GFM1: variants seen among roughly 807,000 people sequenced by gnomAD.
The protein encoded by GFM1 is elongation factor G, mitochondrial.
GFM1 carries 62 observed loss-of-function variants against 96.2 expected under a neutral mutation model. The ratio of observed to expected loss-of-function variants is 0.64; its 90% CI spans 0.53 to 0.80. The LOEUF is 0.80. Ranked by LOEUF, GFM1 falls within the 30% of genes least tolerant of loss-of-function variation. GFM1 has a pLI of 0.00. For synonymous variants in GFM1, 282 were observed against 312.9 expected (o/e 0.90, Z 1.04); for missense variants, 852 against 916.6 (o/e 0.93, Z 0.91).
Position 158,645,661 on chromosome 3 carries a change from A to G in GFM1, c.114A>G (p.Ser38=). Residue 38 remains serine, a synonymous_variant, in exon 2 of 18, where the codon TCA becomes TCG. Coordinates refer to ENST00000486715, the MANE Select transcript of GFM1 (RefSeq NM_024996.7). ...GGAAGGCCTGCCGATGGTCTTCATC[A>G]GGGGTGATTCCTAATGAAAAAATAC... ...VNWKACRWSS[S]GVIPNEKIRN... is the part of the protein sequence containing the mutation. 1 of 1,612,992 alleles carries G rather than the reference A, an allele frequency of 6.2e-7. No homozygotes were observed. The highest frequency in any genetic ancestry group is 8.5e-7 in the Non-Finnish European group (1 of 1,178,952).
chr3:158,660,754 CAGAG>C, intron 9 of GFM1, 116 bp from the exon 10 acceptor site: 1 of 807,012 alleles, frequency 1.2e-6, no homozygotes, highest in Non-Finnish European at 2.1e-6. Context: ...AGAATTCAAG[CAGAG>C]AGATTCTGCC....
chr3:158,673,975 CT>C (rs1724635883), intron 13 of GFM1, among the ~76,000 whole-genome samples: 1 of 151,760 alleles, frequency 6.6e-6, no homozygotes, highest in African/African-American at 2.4e-5. Flanking sequence ...TAAATACCAT[CT>C]GTCTGCTTGC....
rs1725646937 is a variant in GFM1 at position 158,684,278 on chromosome 3, A to G, written c.1765-246A>G. 4.6e-5 allele frequency among the ~76,000 whole-genome samples: 7 copies of G among 152,274 alleles called. No homozygotes were observed. The South Asian group carries it at 1.4e-3, about 32-fold the overall frequency. On this transcript the variant is annotated intron_variant, in intron 14 of 17. Transcript: ENST00000486715. ...AGGCTTAATACCTGAGAGATGAAAT[A>G]ATTTATACAACAAACCCCCATGACA...
intron 14 of GFM1, 97 bp from the exon 15 acceptor site, chr3:158,684,427 A>G: frequency 8.0e-7 from 1 of 1,250,304 alleles, no homozygotes; most frequent in Non-Finnish European, 1.2e-6. Context: ...GCACACATAA[A>G]AACGTACACT....
chr3:158,658,675 G>A (rs912839279), intron 8 of GFM1, among the ~76,000 whole-genome samples: 2 of 152,104 alleles, frequency 1.3e-5, no homozygotes, highest in Non-Finnish European at 2.9e-5. Context: ...TTGTTCTAAT[G>A]TAATAGCTTA....
intron 1 of GFM1, 183 bp downstream of exon 1, chr3:158,644,898 C>A (rs1055958465): frequency 9.6e-6 from 6 of 628,052 alleles, no homozygotes; most frequent in Admixed American, 7.5e-5. Flanking sequence ...TCGTTTGTTT[C>A]GCTCTCTGGT....
intron 4 of GFM1, among the ~76,000 whole-genome samples, chr3:158,648,417 A>G (rs1864503): frequency 0.58 from 87,569 of 151,596 alleles, 26,073 homozygotes; most frequent in African/African-American, 0.72. Flanking sequence ...GGTGGCTCAC[A>G]CCTGTAATCC....
In GFM1 at chr3:158,653,414, A is replaced by C. The variant is rs755560938; in HGVS notation, c.945A>C (p.Glu315Asp). ...GVQPLLDAVL[E>D]YLPNPSEVQN... ...AGCCTCTTTTAGATGCTGTTTTAGA[A>C]TACCTCCCAAATCCATCTGAAGTCC... The change falls in exon 7 of 18, where the codon GAA becomes GAC. Residue 315 changes from glutamate to aspartate, a missense_variant. Coordinates refer to ENST00000486715, the MANE Select transcript of GFM1 (RefSeq NM_024996.7). The C allele has an allele frequency of 6.2e-7, 1 of 1,613,346 alleles. No individual in the cohort carries two copies. The highest frequency in any genetic ancestry group is 8.5e-7 in the Non-Finnish European group (1 of 1,179,364).
intron 13 of GFM1, chr3:158,668,950 A>T (rs1314236353): frequency 6.8e-7 from 1 of 1,475,848 alleles, no homozygotes; most frequent in East Asian, 2.3e-5. Flanking sequence ...AATACTTTCG[A>T]TAAATATTAA....
At chr3:158,659,196 G>A (rs946352823) in intron 9 of GFM1, 137 bp downstream of exon 9, 1 of 999,450 alleles carries the variant, frequency 1.0e-6, no homozygotes, top group Admixed American at 2.2e-5. Flanking sequence ...TAAATGTGTT[G>A]TAGCTCTGAT....
chr3:158,646,802 C>A lies in GFM1; in HGVS notation c.427C>A (p.Leu143Ile), dbSNP rs764379992. ...CCTGAGAGTGTTGGATGGTGCAGTCCTTGTTCTCTGTGCTGTTGGAGGGGT... is the reference window on the plus strand; with the variant it reads ...CCTGAGAGTGTTGGATGGTGCAGTCATTGTTCTCTGTGCTGTTGGAGGGGT... The part of the protein sequence containing the change: ...RALRVLDGAV[L>I]VLCAVGGVQC... The change falls in exon 4 of 18, where the codon CTT becomes ATT. Residue 143 changes from leucine to isoleucine, a missense_variant. Coordinates refer to ENST00000486715, the MANE Select transcript of GFM1 (RefSeq NM_024996.7). The A allele has an allele frequency of 6.2e-7, 1 of 1,614,028 alleles. No individual in the cohort carries two copies. The highest frequency in any genetic ancestry group is 8.5e-7 in the Non-Finnish European group (1 of 1,180,026).
At chr3:158,684,488 C>T (rs1472887571) in intron 14 of GFM1, 36 bp from the exon 15 acceptor site, 6 of 1,611,970 alleles carry the variant, frequency 3.7e-6, no homozygotes, top group Non-Finnish European at 4.2e-6. Context: ...CAAGTAAAAT[C>T]CACTCACTCC....
At chr3:158,645,803 C>T (rs760509998) in intron 2 of GFM1, 22 bp downstream of exon 2, 17 of 1,587,552 alleles carry the variant, frequency 1.1e-5, no homozygotes, top group African/African-American at 2.7e-5. Flanking sequence ...CGGTTGATTC[C>T]GGATTAATTA....
intron 13 of GFM1, among the ~76,000 whole-genome samples, chr3:158,675,003 T>G (rs932312053): frequency 6.6e-6 from 1 of 152,078 alleles, no homozygotes; most frequent in Admixed American, 6.6e-5. Context: ...AGGAGCAAGT[T>G]TACGGCCGGG....
intron 12 of GFM1, 134 bp downstream of exon 12, chr3:158,665,608 G>A (rs950600402): frequency 2.7e-6 from 2 of 745,030 alleles, no homozygotes; most frequent in Non-Finnish European, 2.4e-6. Flanking sequence ...ATCCAGATGT[G>A]GTCTACTGCT....
At position 158,672,379 on chromosome 3, in the gene GFM1, C is replaced by T. The variant is rs1356828471; in HGVS notation, c.1601+5993C>T. ...ATGCTGGCTTGTTTGACCTTCTGCACCTCAAACACCCTGTGCGGGGTCCCC... is the reference window on the plus strand; with the variant it reads ...ATGCTGGCTTGTTTGACCTTCTGCATCTCAAACACCCTGTGCGGGGTCCCC... On this transcript the variant is annotated intron_variant, in intron 13 of 17. Transcript: ENST00000486715. 3.1e-6 allele frequency: 5 copies of T among 1,613,876 alleles called. No individual in the cohort carries two copies. Among genetic ancestry groups the T allele is most frequent in the Admixed American group, 1.7e-5 (1 of 59,996 alleles).
chr3:158,665,627 T>A (rs1347395371), intron 12 of GFM1, among the ~76,000 whole-genome samples, 153 bp downstream of exon 12: 1 of 152,224 alleles, frequency 6.6e-6, no homozygotes, highest in Non-Finnish European at 1.5e-5. Context: ...CTTCCTCTAC[T>A]ATGTGTTACA....
chr3:158,684,722 GC>G (rs1560144740), intron 15 of GFM1, 54 bp downstream of exon 15: 2 of 1,578,096 alleles, frequency 1.3e-6, no homozygotes, highest in Non-Finnish European at 1.7e-6. Flanking sequence ...GATCATCATA[GC>G]CTCAGAAGGC....
Position 158,670,456 on chromosome 3 carries a change from C to T in GFM1, c.1601+4070C>T, listed in dbSNP as rs561735945. On this transcript the variant is annotated intron_variant, in intron 13 of 17. Transcript: ENST00000486715. The stretch of plus-strand genomic sequence containing the variant: ...TTCAGACTGCCCTAAGAGTATGTAA[C>T]TTCTTAAGAAATTCATTTGAACTGA... 3.9e-5 allele frequency among the ~76,000 whole-genome samples: 6 copies of T among 152,262 alleles called. 1 individual carries two copies. In the South Asian group the frequency reaches 1.2e-3, roughly 32 times the overall value.
Sources: allele counts gnomAD v4.1 joint callset (sites outside exome capture counted in the v4.1 genomes callset), GRCh38; gene constraint gnomAD v4.1.1; transcripts MANE v1.5; gene names NCBI Gene and HGNC (gene_info 2026-07-23, HGNC 2026-07-21).